Variants in SLC7A10 observed in about 807,000 individuals in gnomAD.
SLC7A10 encodes the protein solute carrier family 7 member 10.
A neutral mutation model predicts 52.7 loss-of-function variants in SLC7A10; 30 were observed. The ratio of observed to expected loss-of-function variants is 0.57; its 90% CI spans 0.43 to 0.77. The LOEUF (loss-of-function observed/expected upper bound fraction) is 0.77, where lower values mean the gene tolerates loss of function less well. Among genes scored for constraint, SLC7A10 ranks in the 30% least tolerant of loss-of-function variants. The pLI is 0.00. For synonymous variants in SLC7A10, 318 were observed against 314.9 expected (o/e 1.01, Z -0.10); for missense variants, 581 against 698.5 (o/e 0.83, Z 1.90).
chr19:33,220,079 T>C (rs1289130686), intron 1 of SLC7A10: 1 of 152,116 alleles, frequency 6.6e-6, no homozygotes, highest in South Asian at 2.1e-4. Context: ...AGCGCACGGG[T>C]GTCCTCACAT....
rs1009588331 is a variant in SLC7A10, at chr19:33,211,521, T to C, written c.805A>G (p.Ile269Val). ...VDARKNLPRA[I>V]FISIPLVTFV... ...GTCACCAGTGGGATGGAGATGAAGA[T>C]GGCGCGAGGTAGGTTCCTGGTGACA... The change falls in exon 6 of 11, where the codon ATC becomes GTC. Residue 269 changes from isoleucine to valine, a missense_variant. Coordinates refer to ENST00000253188, the MANE Select transcript of SLC7A10 (RefSeq NM_019849.3). 2.5e-6 allele frequency: 4 copies of C among 1,613,868 alleles called. No individual in the cohort carries two copies. The African/African-American group carries it at 5.3e-5, about 22-fold the overall frequency.
At chr19:33,224,900 G>C (rs1163656417) in intron 1 of SLC7A10, among the ~76,000 whole-genome samples, 3 of 152,194 alleles carry the variant, frequency 2.0e-5, no homozygotes, top group African/African-American at 7.2e-5. Context: ...CCAGCTCAGG[G>C]AGCAGCTGGC....
rs770454768 is a variant in SLC7A10 at position 33,211,121 on chromosome 19, C to A, written c.1016+104G>T. 2.7e-5 allele frequency: 32 copies of A among 1,169,520 alleles called. No individual in the cohort carries two copies. The Admixed American group carries it at 5.4e-4, about 20-fold the overall frequency. 72.4% of individuals were successfully genotyped at this position (1,169,520 alleles called of 1,614,324 possible). A position where few individuals can be genotyped will look rare whatever the true frequency, so the allele number is the denominator to read the frequency against. On this transcript the variant is annotated intron_variant, in intron 7 of 10. Coordinates refer to ENST00000253188, the MANE Select transcript of SLC7A10 (RefSeq NM_019849.3). Reference sequence around the variant, plus strand: ...GATCATCATCCCAGCTTCAGGCAGACCCCTCCCCCGGCAGGTGTCCCTTCC... The same window carrying A: ...GATCATCATCCCAGCTTCAGGCAGAACCCTCCCCCGGCAGGTGTCCCTTCC...
rs375656265 is a variant in SLC7A10, at chr19:33,225,789, G to T, written c.-86C>A. Reference sequence around the variant, plus strand: ...TCGGTCCGTCGGTCCGTGAGCTCACGGCCCTCGCAGCCGGGACAGCGCCCA... The same window carrying T: ...TCGGTCCGTCGGTCCGTGAGCTCACTGCCCTCGCAGCCGGGACAGCGCCCA... On this transcript the variant is annotated 5_prime_UTR_variant, in exon 1 of 11. Coordinates refer to ENST00000253188, the MANE Select transcript of SLC7A10 (RefSeq NM_019849.3). 32 of 1,358,708 alleles carry T rather than the reference G, an allele frequency of 2.4e-5. No homozygotes were observed. Among genetic ancestry groups the T allele is most frequent in the South Asian group, 1.9e-4 (12 of 62,318 alleles). The allele number at this position is 1,358,708 out of a possible 1,614,324, so 84.2% of individuals were successfully genotyped here.
intron 1 of SLC7A10, among the ~76,000 whole-genome samples, chr19:33,218,692 T>A (rs1287342125): frequency 1.7e-5 from 1 of 57,312 alleles, no homozygotes; most frequent in Non-Finnish European, 6.1e-5. Context: ...TTTTTTTTTT[T>A]TTTTTAGTAG....
chr19:33,218,691 T>TCTTTCTTTCTTTCTTTCTTTCTTTC (rs1568394309), intron 1 of SLC7A10, among the ~76,000 whole-genome samples: 1 of 87,780 alleles, frequency 1.1e-5, no homozygotes, highest in African/African-American at 4.1e-5. Context: ...CTTTTTTTTT[T>TCTTTCTTTCTTTCTTTCTTTCTTTC]TTTTTTAGTA....
intron 5 of SLC7A10, chr19:33,212,019 C>T: frequency 1.8e-6 from 1 of 570,408 alleles, no homozygotes; most frequent in Non-Finnish European, 3.1e-6. Flanking sequence ...AGGCCAAATG[C>T]AAATCTCTGG....
chr19:33,210,225 A>T lies in SLC7A10; in HGVS notation c.1263+242T>A, dbSNP rs1974512131. On this transcript the variant is annotated intron_variant, in intron 9 of 10. Coordinates refer to ENST00000253188, the MANE Select transcript of SLC7A10 (RefSeq NM_019849.3). This position sits in a 1 kb window ranked among gnomAD's most constrained non-coding sequence, Gnocchi z 5.6. ...GGCCTCCCAAAGTGCTGGAATAGGC[A>T]TGAGCCCCTGTGCCCAGTCCTGAGC... 6.6e-6 allele frequency among the ~76,000 whole-genome samples: 1 copy of T among 152,146 alleles called. No homozygotes were observed. The highest frequency in any genetic ancestry group is 6.5e-5 in the Admixed American group (1 of 15,268).
chr19:33,220,074 A>G (rs1974781689), intron 1 of SLC7A10: 1 of 152,144 alleles, frequency 6.6e-6, no homozygotes, highest in Non-Finnish European at 1.5e-5. Flanking sequence ...CCTCAAGCGC[A>G]CGGGTGTCCT....
intron 5 of SLC7A10, 61 bp downstream of exon 5, chr19:33,212,231 G>T: frequency 6.4e-7 from 1 of 1,555,706 alleles, no homozygotes; most frequent in East Asian, 2.4e-5. Context: ...GGGCGGAGAG[G>T]CTGCCTGTCC....
At position 33,215,380 on chromosome 19, in the gene SLC7A10, G is replaced by T. The variant is rs1294691587; in HGVS notation, c.356+389C>A. 2.6e-5 allele frequency among the ~76,000 whole-genome samples: 4 copies of T among 151,536 alleles called. No individual in the cohort carries two copies. The East Asian group carries it at 5.8e-4, about 22-fold the overall frequency. Reference sequence around the variant, plus strand: ...TTTACCAAAATTGAGGCCCCTCCTCGCCTGGGCACTCACATTACCTAGGGT... The same window carrying T: ...TTTACCAAAATTGAGGCCCCTCCTCTCCTGGGCACTCACATTACCTAGGGT... On this transcript the variant is annotated intron_variant, in intron 2 of 10. Coordinates refer to ENST00000253188, the MANE Select transcript of SLC7A10 (RefSeq NM_019849.3).
chr19:33,212,947 T>C lies in SLC7A10; in HGVS notation c.412A>G (p.Ile138Val). ...ACGTAGTTGGAGAAGGTCATGGAGATGACAGCAAGGCTGGTGGGGTACATG... is the reference window on the plus strand; with the variant it reads ...ACGTAGTTGGAGAAGGTCATGGAGACGACAGCAAGGCTGGTGGGGTACATG... The part of the protein sequence containing the change: ...LIMYPTSLAV[I>V]SMTFSNYVLQ... The change falls in exon 3 of 11, where the codon ATC becomes GTC. Residue 138 changes from isoleucine (I) to valine (V), a missense_variant. Ile to Val is a conservative substitution (Grantham distance 29, BLOSUM62 3). Transcript: ENST00000253188. The C allele has an allele frequency of 6.2e-7, 1 of 1,614,064 alleles. No individual in the cohort carries two copies. Among genetic ancestry groups the C allele is most frequent in the African/African-American group, 1.3e-5 (1 of 75,032 alleles).
At position 33,208,754 on chromosome 19, in the gene SLC7A10, T is replaced by G; in HGVS notation, c.*137A>C. 3 of 1,076,832 alleles carry G rather than the reference T, an allele frequency of 2.8e-6. No homozygotes were observed. The highest frequency in any genetic ancestry group is 3.9e-6 in the Non-Finnish European group (3 of 765,624). 66.7% of individuals were successfully genotyped at this position (1,076,832 alleles called of 1,614,324 possible). On this transcript the variant is annotated 3_prime_UTR_variant, in exon 11 of 11. Coordinates refer to ENST00000253188, the MANE Select transcript of SLC7A10 (RefSeq NM_019849.3). This position sits in a 1 kb window ranked among gnomAD's most constrained non-coding sequence, Gnocchi z 4.7. ...GAAACCCAGTCCACATTTTAGGGCT[T>G]CCTTAAACAGGCTTCTGAGAGTCGT... is the stretch of plus-strand genomic sequence containing the variant.
At chr19:33,212,103 G>A in intron 5 of SLC7A10, 189 bp downstream of exon 5, 1 of 762,112 alleles carries the variant, frequency 1.3e-6, no homozygotes, top group Non-Finnish European at 2.1e-6. Context: ...TCCATAGCCA[G>A]AGAGAACAGG....
At position 33,225,841 on chromosome 19, in the gene SLC7A10, GC is replaced by G; in HGVS notation, c.-139del. The G allele has an allele frequency of 1.9e-6, 2 of 1,043,192 alleles. No individual in the cohort carries two copies. Among genetic ancestry groups the G allele is most frequent in the Non-Finnish European group, 2.4e-6 (2 of 818,832 alleles). The allele number at this position is 1,043,192 out of a possible 1,614,324, so 64.6% of individuals were successfully genotyped here. A position where few individuals can be genotyped will look rare whatever the true frequency, so the allele number is the denominator to read the frequency against. On this transcript the variant is annotated 5_prime_UTR_variant, in exon 1 of 11. Coordinates refer to ENST00000253188, the MANE Select transcript of SLC7A10 (RefSeq NM_019849.3). ...AGGCGGGCGCATGCGCTGGCTCCGG[GC>G]CCGGGACTGGGGGCCCCGGGCGGCG...
chr19:33,211,811 C>T (rs999779070), intron 5 of SLC7A10: 25 of 546,228 alleles, frequency 4.6e-5, no homozygotes, highest in Admixed American at 3.2e-4. Context: ...AAGATAAAAT[C>T]GCATACAGCC....
At position 33,210,935 on chromosome 19, in the gene SLC7A10, CT is replaced by C; in HGVS notation, c.1017-38del. 1 of 1,592,822 alleles carries C rather than the reference CT, an allele frequency of 6.3e-7. No homozygotes were observed. Among genetic ancestry groups the C allele is most frequent in the Non-Finnish European group, 8.6e-7 (1 of 1,161,864 alleles). ...GACAGATATGGGCACTGGCCACATC[CT>C]GGGTCTCAGCTTTGGACCTGATGTC... On this transcript the variant is annotated intron_variant, in intron 7 of 10. Transcript: ENST00000253188. This position sits in a 1 kb window ranked among gnomAD's most constrained non-coding sequence, Gnocchi z 5.6.
At chr19:33,216,822 C>G (rs769645574) in intron 1 of SLC7A10, among the ~76,000 whole-genome samples, 29 of 152,042 alleles carry the variant, frequency 1.9e-4, no homozygotes, top group Non-Finnish European at 3.4e-4. Context: ...GCAAGTGATC[C>G]ACCCGCCTCG....
intron 5 of SLC7A10, chr19:33,211,846 A>G (rs1194060253): frequency 1.4e-5 from 7 of 492,580 alleles, no homozygotes; most frequent in Non-Finnish European, 1.8e-5. Flanking sequence ...AAATTCCCCA[A>G]AATGGCCCCA....
Sources: allele counts gnomAD v4.1 joint callset (sites outside exome capture counted in the v4.1 genomes callset), GRCh38; gene constraint gnomAD v4.1.1; non-coding constraint Gnocchi (gnomAD v3.1); transcripts MANE v1.5; gene names NCBI Gene and HGNC (gene_info 2026-07-23, HGNC 2026-07-21).